LRP6: variants seen among roughly 807,000 people sequenced by gnomAD.
LRP6 encodes the protein LDL receptor related protein 6.
LRP6 carries 43 observed loss-of-function variants against 184.1 expected under a neutral mutation model. The observed-to-expected ratio is 0.23, with a 90% CI of 0.18 to 0.30. The LOEUF is 0.30. Ranked by LOEUF, LRP6 falls within the 10% of genes least tolerant of loss-of-function variation. The pLI is 1.00. For synonymous variants in LRP6, 719 were observed against 684.9 expected (o/e 1.05, Z -0.78); for missense variants, 1,571 against 2,005.3 (o/e 0.78, Z 4.14).
intron 2 of LRP6, among the ~76,000 whole-genome samples, chr12:12,212,034 C>G (rs1405640327): frequency 6.6e-6 from 1 of 152,178 alleles, no homozygotes; most frequent in Non-Finnish European, 1.5e-5. Flanking sequence ...CCTCTGTGCT[C>G]CTGCACGTTA....
rs373953135 is a variant in LRP6 at position 12,162,417 on chromosome 12, G to A, written c.2055C>T (p.Thr685=). The A allele has an allele frequency of 1.2e-6, 2 of 1,612,104 alleles. No homozygotes were observed. The highest frequency in any genetic ancestry group is 1.3e-5 in the African/African-American group (1 of 74,868). ...TGCCATTCATAAAGGCTCTGCTGAT[G>A]GTCTGCAAAAGAACATTAACAACTA... The part of the protein sequence containing the change: ...RIYWTDISLK[T]ISRAFMNGSA... The change falls in exon 10 of 23, where the codon ACC becomes ACT. Residue 685 remains threonine (T), a splice_region_variant and synonymous_variant. Transcript: ENST00000261349.
At chr12:12,152,306 T>A (rs1245245019) in intron 12 of LRP6, among the ~76,000 whole-genome samples, 2 of 152,186 alleles carry the variant, frequency 1.3e-5, no homozygotes, top group African/African-American at 4.8e-5. Context: ...CAGTTTCCAA[T>A]ATGTCTTTAT....
intron 1 of LRP6, among the ~76,000 whole-genome samples, chr12:12,264,893 T>C (rs1001348658): frequency 6.6e-6 from 1 of 152,234 alleles, no homozygotes; most frequent in Non-Finnish European, 1.5e-5. Flanking sequence ...CAATTTAAAC[T>C]ATTACCTCTT....
intron 12 of LRP6, among the ~76,000 whole-genome samples, chr12:12,153,802 AAGCTGGAGG>A (rs1479807961): frequency 6.6e-6 from 1 of 152,164 alleles, no homozygotes; most frequent in Non-Finnish European, 1.5e-5. Flanking sequence ...GACATCAGAG[AAGCTGGAGG>A]ATGAGATGTA....
intron 15 of LRP6, chr12:12,139,018 C>A: frequency 7.7e-7 from 1 of 1,305,188 alleles, no homozygotes; most frequent in South Asian, 1.2e-5. Context: ...ATAGAGTCAT[C>A]CAGACTCTGA....
At chr12:12,197,401 C>T (rs1241256397) in intron 3 of LRP6, among the ~76,000 whole-genome samples, 1 of 152,174 alleles carries the variant, frequency 6.6e-6, no homozygotes, top group Non-Finnish European at 1.5e-5. Context: ...TACAGAAGTT[C>T]ACTGCACACA....
chr12:12,177,457 T>G (rs759860182), intron 7 of LRP6, among the ~76,000 whole-genome samples: 1 of 152,218 alleles, frequency 6.6e-6, no homozygotes, highest in Non-Finnish European at 1.5e-5. Flanking sequence ...GATGAAAAGC[T>G]GGTAGTAGCA....
chr12:12,184,355 G>C (rs1438749413), intron 4 of LRP6, among the ~76,000 whole-genome samples: 1 of 145,752 alleles, frequency 6.9e-6, no homozygotes, highest in Non-Finnish European at 1.5e-5. Flanking sequence ...TTACAATTTA[G>C]TCAGTTAAAC....
chr12:12,233,756 T>C (rs1169435745), intron 2 of LRP6, among the ~76,000 whole-genome samples: 2 of 152,150 alleles, frequency 1.3e-5, no homozygotes, highest in African/African-American at 4.8e-5. Flanking sequence ...TGAAAGACAG[T>C]GGCATTATGA....
intron 2 of LRP6, among the ~76,000 whole-genome samples, chr12:12,212,034 C>T (rs1405640327): frequency 6.6e-6 from 1 of 152,296 alleles, no homozygotes; most frequent in East Asian, 1.9e-4. Flanking sequence ...CCTCTGTGCT[C>T]CTGCACGTTA....
chr12:12,196,102 A>G (rs764891079), intron 3 of LRP6, among the ~76,000 whole-genome samples: 6 of 151,986 alleles, frequency 3.9e-5, no homozygotes, highest in African/African-American at 1.4e-4. Context: ...ACTTTGTGGT[A>G]TATTTTGAAG....
intron 21 of LRP6, 41 bp from the exon 22 acceptor site, chr12:12,124,703 A>G (rs1395642773): frequency 1.6e-6 from 2 of 1,227,558 alleles, no homozygotes; most frequent in African/African-American, 3.0e-5. Flanking sequence ...ATAACAACAT[A>G]GAAACTATCA....
chr12:12,162,826 T>C (rs561427952), intron 9 of LRP6, among the ~76,000 whole-genome samples: 2 of 152,296 alleles, frequency 1.3e-5, no homozygotes, highest in Admixed American at 1.3e-4. Context: ...AATGTAACCA[T>C]TATACTACCA....
rs1863963148 is a variant in LRP6, at chr12:12,203,194, T to C, written c.647+9A>G. 6 of 1,588,958 alleles carry C rather than the reference T, an allele frequency of 3.8e-6. No homozygotes were observed. The highest frequency in any genetic ancestry group is 5.1e-6 in the Non-Finnish European group (6 of 1,169,308). Reference sequence around the variant, plus strand: ...TCTTAAAAGTTTTTTCTAATTCTTGTAATCTTACCGATTTGTTCCATCCAG... The same window carrying C: ...TCTTAAAAGTTTTTTCTAATTCTTGCAATCTTACCGATTTGTTCCATCCAG... On this transcript the variant is annotated intron_variant, in intron 3 of 22. Coordinates refer to ENST00000261349, the MANE Select transcript of LRP6 (RefSeq NM_002336.3).
intron 1 of LRP6, among the ~76,000 whole-genome samples, chr12:12,250,144 TCA>T (rs1865291463): frequency 6.6e-6 from 1 of 151,802 alleles, no homozygotes; most frequent in South Asian, 2.1e-4. Context: ...TCTAATACTT[TCA>T]GTTTAGCCAA....
intron 7 of LRP6, among the ~76,000 whole-genome samples, chr12:12,175,208 G>A (rs1035660450): frequency 6.6e-6 from 1 of 152,166 alleles, no homozygotes; most frequent in East Asian, 1.9e-4. Flanking sequence ...GGCCAACATG[G>A]AGAAATCCCA....
At chr12:12,195,077 C>T (rs564665511) in intron 3 of LRP6, among the ~76,000 whole-genome samples, 9 of 152,142 alleles carry the variant, frequency 5.9e-5, no homozygotes, top group African/African-American at 2.2e-4. Context: ...TGTATATATA[C>T]CACATTTTCT....
intron 1 of LRP6, among the ~76,000 whole-genome samples, chr12:12,253,007 T>C (rs903924880): frequency 7.9e-5 from 12 of 152,216 alleles, no homozygotes; most frequent in Non-Finnish European, 1.8e-4. Context: ...GCTCACACCT[T>C]AATCCCAGCA....
chr12:12,190,476 T>C lies in LRP6; in HGVS notation c.648-3357A>G, dbSNP rs543152580. Among the ~76,000 whole-genome samples, 13 of 152,380 alleles carry C rather than the reference T, an allele frequency of 8.5e-5. No individual in the cohort carries two copies. In the South Asian group the frequency reaches 2.5e-3, roughly 29 times the overall value. On this transcript the variant is annotated intron_variant, in intron 3 of 22. Coordinates refer to ENST00000261349, the MANE Select transcript of LRP6 (RefSeq NM_002336.3). ...CTTGCAATCTCTGAGCATCATCTCC[T>C]GCCTATGTCTGTCACATTCTGCAAC...
Sources: allele counts gnomAD v4.1 joint callset (sites outside exome capture counted in the v4.1 genomes callset), GRCh38; gene constraint gnomAD v4.1.1; transcripts MANE v1.5; gene names NCBI Gene and HGNC (gene_info 2026-07-23, HGNC 2026-07-21).